The following ARMC9 variants were observed in gnomAD, a reference collection of about 807,000 sequenced individuals.
The protein encoded by ARMC9 is lisH domain-containing protein ARMC9.
A neutral mutation model predicts 107.0 loss-of-function variants in ARMC9; 94 were observed. That is an observed-to-expected ratio of 0.88 (90% CI 0.74 to 1.04). ARMC9 has a LOEUF of 1.04. Among genes scored for constraint, ARMC9 ranks in the 50% least tolerant of loss-of-function variants. The probability of loss-of-function intolerance (pLI) is 0.00; values close to 1 mark genes in which losing one functional copy is unlikely to be tolerated. For missense variants in ARMC9, 942 were observed against 1,030.1 expected (o/e 0.91, Z 1.17); for synonymous variants, 380 against 396.9 (o/e 0.96, Z 0.51).
intron 19 of ARMC9, among the ~76,000 whole-genome samples, chr2:231,320,564 A>G (rs956111746): frequency 4.6e-5 from 7 of 152,090 alleles, no homozygotes; most frequent in African/African-American, 1.7e-4. Context: ...TGGACAAAAA[A>G]AAAAAAAAAA....
chr2:231,300,535 G>T (rs950538831), intron 19 of ARMC9, among the ~76,000 whole-genome samples: 3 of 152,208 alleles, frequency 2.0e-5, no homozygotes, highest in Non-Finnish European at 4.4e-5. Context: ...CGCCTTATGG[G>T]TGTTCAGTCA....
intron 3 of ARMC9, among the ~76,000 whole-genome samples, chr2:231,208,954 T>A (rs1418497193): frequency 6.6e-6 from 1 of 151,778 alleles, no homozygotes; most frequent in Non-Finnish European, 1.5e-5. Context: ...CAGGCTGGAG[T>A]GCGGTGGTAC....
chr2:231,264,557 G>A (rs535016160), intron 12 of ARMC9, among the ~76,000 whole-genome samples: 27 of 151,416 alleles, frequency 1.8e-4, no homozygotes, highest in Non-Finnish European at 3.2e-4. Context: ...GAGTGCAGTG[G>A]CACGATCTCG....
chr2:231,260,275 C>T (rs2125410033), intron 11 of ARMC9, among the ~76,000 whole-genome samples: 1 of 152,248 alleles, frequency 6.6e-6, no homozygotes, highest in East Asian at 1.9e-4. Context: ...AAGGCATTGT[C>T]ACATCTTAGT....
At position 231,270,555 on chromosome 2, in the gene ARMC9, G is replaced by C. The variant is rs562434582; in HGVS notation, c.1120-427G>C. On this transcript the variant is annotated intron_variant, in intron 12 of 24. Coordinates refer to ENST00000611582, the MANE Select transcript of ARMC9 (RefSeq NM_001352754.2). ...GCAGTCCCACTTCCAGAATTGTGGC[G>C]TTATCGTTTCTCGTGCTGTTCTCTC... is the stretch of plus-strand genomic sequence containing the variant. 2.2e-5 allele frequency: 10 copies of C among 459,942 alleles called. No individual in the cohort carries two copies. In the Admixed American group the frequency reaches 2.4e-4, roughly 11 times the overall value. 28.5% of individuals were successfully genotyped at this position (459,942 alleles called of 1,614,324 possible).
At chr2:231,364,374 G>A (rs2045722738) in intron 23 of ARMC9, among the ~76,000 whole-genome samples, 1 of 152,282 alleles carries the variant, frequency 6.6e-6, no homozygotes, top group Non-Finnish European at 1.5e-5. Context: ...TGCCACAGAT[G>A]AGAAGTGATT....
At chr2:231,354,855 G>A (rs6761926) in intron 21 of ARMC9, among the ~76,000 whole-genome samples, 15,104 of 152,216 alleles carry the variant, frequency 0.099, 2,561 homozygotes, top group African/African-American at 0.34. Context: ...GGCCTTCCTC[G>A]GGGATCTGTG....
At chr2:231,287,223 C>T (rs1226456382) in intron 17 of ARMC9, among the ~76,000 whole-genome samples, 1 of 152,214 alleles carries the variant, frequency 6.6e-6, no homozygotes, top group South Asian at 2.1e-4. Context: ...CAGAAACTGC[C>T]TCCGCTCTCT....
intron 12 of ARMC9, 31 bp downstream of exon 12, chr2:231,262,429 AG>A: frequency 6.4e-7 from 1 of 1,571,322 alleles, no homozygotes; most frequent in East Asian, 2.2e-5. Context: ...GATCCCAGCC[AG>A]GGCCTTCAAT....
chr2:231,294,365 C>G (rs1414061638), intron 18 of ARMC9: 1 of 152,514 alleles, frequency 6.6e-6, no homozygotes, highest in Admixed American at 6.5e-5. Context: ...GGGCACCAGC[C>G]AGGTCACTGG....
chr2:231,222,677 A>G, intron 5 of ARMC9, 51 bp from the exon 6 acceptor site: 1 of 1,065,762 alleles, frequency 9.4e-7, no homozygotes, highest in Non-Finnish European at 1.4e-6. Flanking sequence ...TGATGATGCT[A>G]TTGGTACTTA....
At chr2:231,207,734 A>T (rs2032234477) in intron 2 of ARMC9, among the ~76,000 whole-genome samples, 1 of 152,230 alleles carries the variant, frequency 6.6e-6, no homozygotes, top group South Asian at 2.1e-4. Context: ...TTGGCCTCCC[A>T]AAGTGCTGGG....
chr2:231,256,691 T>G (rs1423307818), intron 10 of ARMC9, 71 bp downstream of exon 10: 19 of 1,512,190 alleles, frequency 1.3e-5, no homozygotes, highest in Middle Eastern at 3.4e-4. Flanking sequence ...CAAAGTGTCT[T>G]TAATAAACAC....
intron 18 of ARMC9, chr2:231,294,398 G>A (rs960692576): frequency 2.6e-5 from 4 of 152,352 alleles, no homozygotes; most frequent in Non-Finnish European, 1.5e-5. Context: ...CAGAGCCCCC[G>A]GGAAAGGAAT....
Position 231,238,429 on chromosome 2 carries a change from A to G in ARMC9, c.781-1514A>G, listed in dbSNP as rs148203581. 7.9e-5 allele frequency among the ~76,000 whole-genome samples: 12 copies of G among 152,334 alleles called. No individual in the cohort carries two copies. In the East Asian group the frequency reaches 1.4e-3, roughly 17 times the overall value. On this transcript the variant is annotated intron_variant, in intron 8 of 24. Transcript: ENST00000611582. ...CAGTGGTGCAATCTCAGCTCACTGC[A>G]GCCTCGGCCTCCCAGGCTCAAGCCA... is the stretch of plus-strand genomic sequence containing the variant.
intron 19 of ARMC9, among the ~76,000 whole-genome samples, chr2:231,298,263 TC>T (rs2041503909): frequency 6.6e-6 from 1 of 152,224 alleles, no homozygotes; most frequent in Non-Finnish European, 1.5e-5. Context: ...GGGCTCCTTC[TC>T]CCAGGTAAGC....
intron 19 of ARMC9, among the ~76,000 whole-genome samples, chr2:231,315,443 G>T (rs2042613903): frequency 6.6e-6 from 1 of 152,036 alleles, no homozygotes; most frequent in Non-Finnish European, 1.5e-5. Context: ...GGAGGCTGAG[G>T]CAGGAGAGCT....
intron 9 of ARMC9, among the ~76,000 whole-genome samples, chr2:231,244,364 C>CT (rs780440851): frequency 0.018 from 2,342 of 129,870 alleles, 39 homozygotes; most frequent in Middle Eastern, 0.039. Context: ...GAATGTGGAT[C>CT]TTTTTTTTTT....
intron 8 of ARMC9, among the ~76,000 whole-genome samples, chr2:231,237,139 T>A (rs2035784264): frequency 6.6e-6 from 1 of 151,910 alleles, no homozygotes; most frequent in Non-Finnish European, 1.5e-5. Flanking sequence ...ACTGACATTG[T>A]CTTGTGTATT....
Sources: gnomAD v4.1 joint callset for allele counts (sites outside exome capture counted in the v4.1 genomes callset) on GRCh38, gnomAD v4.1.1 for gene constraint, MANE v1.5 for transcripts, NCBI Gene and HGNC (gene_info 2026-07-23, HGNC 2026-07-21) for gene names.